NKAIN2: variants seen among roughly 807,000 people sequenced by gnomAD.
NKAIN2 encodes sodium/potassium-transporting ATPase subunit beta-1-interacting protein 2.
NKAIN2 carries 14 observed loss-of-function variants against 32.6 expected under a neutral mutation model. That is an observed-to-expected ratio of 0.43 (90% CI 0.28 to 0.67). NKAIN2 has a LOEUF of 0.67. NKAIN2 is among the 30% of genes least tolerant of loss of function. NKAIN2 has a pLI of 0.17. For missense variants in NKAIN2, 198 were observed against 258.3 expected (o/e 0.77, Z 1.60); for synonymous variants, 80 against 87.2 (o/e 0.92, Z 0.46).
intron 2 of NKAIN2, among the ~76,000 whole-genome samples, chr6:124,330,676 A>G (rs1797614053): frequency 6.6e-6 from 1 of 152,188 alleles, no homozygotes; most frequent in African/African-American, 2.4e-5. Flanking sequence ...TCCTAAAGGA[A>G]CACATGGGAT....
intron 1 of NKAIN2, among the ~76,000 whole-genome samples, chr6:124,021,863 A>G (rs755477560): frequency 3.9e-5 from 6 of 152,088 alleles, no homozygotes; most frequent in South Asian, 2.1e-4. Flanking sequence ...AATTGAACCC[A>G]TGTAAAACCT....
Position 124,416,284 on chromosome 6 carries a change from A to T in NKAIN2, c.273+60937A>T, listed in dbSNP as rs77811188. On this transcript the variant is annotated intron_variant, in intron 3 of 6. Coordinates refer to ENST00000368417, the MANE Select transcript of NKAIN2 (RefSeq NM_001040214.3). ...ATCTGGATCATAAAAACAAAGAGAA[A>T]TCTCCTCACCTAAGTTATATGTGCA... Among the ~76,000 whole-genome samples, 1,221 of 152,204 alleles carry T rather than the reference A, an allele frequency of 8.0e-3. 15 individuals are homozygous for T. Among genetic ancestry groups the T allele is most frequent in the African/African-American group, 0.028 (1,162 of 41,534 alleles).
intron 1 of NKAIN2, among the ~76,000 whole-genome samples, chr6:124,252,517 G>A (rs1000347159): frequency 3.3e-5 from 5 of 151,914 alleles, no homozygotes; most frequent in African/African-American, 1.2e-4. Context: ...TAACTTACTG[G>A]CTATATTCTT....
chr6:124,112,735 G>A (rs1254541438), intron 1 of NKAIN2, among the ~76,000 whole-genome samples: 1 of 151,660 alleles, frequency 6.6e-6, no homozygotes, highest in Non-Finnish European at 1.5e-5. Flanking sequence ...AATTTCTTAA[G>A]CTTTCTTTAA....
chr6:123,911,783 A>C, intron 1 of NKAIN2, among the ~76,000 whole-genome samples: 1 of 77,920 alleles, frequency 1.3e-5, no homozygotes, highest in Non-Finnish European at 2.2e-5. Context: ...ACATACATAC[A>C]TATATATATA....
chr6:123,949,232 G>A (rs1777214893), intron 1 of NKAIN2, among the ~76,000 whole-genome samples: 1 of 151,914 alleles, frequency 6.6e-6, no homozygotes, highest in African/African-American at 2.4e-5. Flanking sequence ...TAAGGTAGTA[G>A]TGGGAGGCCT....
chr6:124,546,718 CTTA>C (rs1317270002), intron 3 of NKAIN2, among the ~76,000 whole-genome samples: 2 of 152,032 alleles, frequency 1.3e-5, no homozygotes, highest in Non-Finnish European at 2.9e-5. Flanking sequence ...AGTGGAAGGA[CTTA>C]TTATAACTCA....
intron 1 of NKAIN2, among the ~76,000 whole-genome samples, chr6:123,900,627 C>T (rs983378972): frequency 8.1e-6 from 1 of 122,858 alleles, no homozygotes. Flanking sequence ...ATCTGGTTAA[C>T]CCCCCGAGCT....
intron 2 of NKAIN2, among the ~76,000 whole-genome samples, chr6:124,306,993 C>G (rs553608795): frequency 6.6e-6 from 1 of 152,198 alleles, no homozygotes; most frequent in African/African-American, 2.4e-5. Flanking sequence ...ACATGCCTAA[C>G]AAGTGTCAAG....
chr6:124,062,130 CTT>C (rs1477483547), intron 1 of NKAIN2, among the ~76,000 whole-genome samples: 1 of 152,030 alleles, frequency 6.6e-6, no homozygotes, highest in East Asian at 1.9e-4. Flanking sequence ...TAAATAAAAA[CTT>C]AAGTATAAAC....
At chr6:124,475,175 G>T (rs985758731) in intron 3 of NKAIN2, among the ~76,000 whole-genome samples, 1 of 152,026 alleles carries the variant, frequency 6.6e-6, no homozygotes, top group African/African-American at 2.4e-5. Flanking sequence ...CACCAAAATT[G>T]ACAAAATAGA....
intron 3 of NKAIN2, among the ~76,000 whole-genome samples, chr6:124,369,534 TTG>T (rs1301449893): frequency 6.6e-6 from 1 of 152,096 alleles, no homozygotes; most frequent in Non-Finnish European, 1.5e-5. Context: ...TGTGAGTTTT[TTG>T]TGTGTGATTT....
intron 3 of NKAIN2, among the ~76,000 whole-genome samples, chr6:124,571,761 A>T (rs1781136568): frequency 6.6e-6 from 1 of 152,176 alleles, no homozygotes; most frequent in South Asian, 2.1e-4. Context: ...ATTTCCATCA[A>T]CAATTCATTT....
intron 1 of NKAIN2, among the ~76,000 whole-genome samples, chr6:124,226,323 C>A (rs760187118): frequency 6.6e-5 from 10 of 151,940 alleles, no homozygotes; most frequent in Non-Finnish European, 1.3e-4. Flanking sequence ...TCAGCATCTG[C>A]CTATTTGTAT....
At chr6:124,787,661 T>C (rs1779566583) in intron 4 of NKAIN2, among the ~76,000 whole-genome samples, 1 of 152,108 alleles carries the variant, frequency 6.6e-6, no homozygotes, top group African/African-American at 2.4e-5. Flanking sequence ...GGAAGACAAG[T>C]ATCACATCAG....
At chr6:123,831,658 T>G (rs976836519) in intron 1 of NKAIN2, among the ~76,000 whole-genome samples, 4 of 150,688 alleles carry the variant, frequency 2.7e-5, no homozygotes, top group South Asian at 2.1e-4. Flanking sequence ...AGTTTTTTTT[T>G]TTGTTTTTTT....
chr6:124,065,615 C>T (rs1359224660), intron 1 of NKAIN2, among the ~76,000 whole-genome samples: 3 of 152,130 alleles, frequency 2.0e-5, no homozygotes, highest in Non-Finnish European at 4.4e-5. Context: ...TCACCAGACA[C>T]CAAAAGTTGG....
intron 4 of NKAIN2, among the ~76,000 whole-genome samples, chr6:124,726,055 C>T (rs1776283470): frequency 6.6e-6 from 1 of 152,168 alleles, no homozygotes; most frequent in African/African-American, 2.4e-5. Flanking sequence ...TTGGAGGGTC[C>T]TACGCCCACG....
chr6:123,942,065 A>T (rs1052148380), intron 1 of NKAIN2, among the ~76,000 whole-genome samples: 2 of 151,984 alleles, frequency 1.3e-5, no homozygotes, highest in East Asian at 3.9e-4. Context: ...TCATCATTTT[A>T]TGTGTCTAAA....
Sources: gnomAD v4.1 joint callset for allele counts (sites outside exome capture counted in the v4.1 genomes callset) on GRCh38, gnomAD v4.1.1 for gene constraint, MANE v1.5 for transcripts, NCBI Gene and HGNC (gene_info 2026-07-23, HGNC 2026-07-21) for gene names.